The following ZNF385D variants were observed in gnomAD, a reference collection of about 807,000 sequenced individuals.
The protein encoded by ZNF385D is zinc finger protein 659.
A neutral mutation model predicts 35.8 loss-of-function variants in ZNF385D; 15 were observed. That is an observed-to-expected ratio of 0.42 (90% confidence interval 0.28 to 0.64). The LOEUF is 0.64. Among genes scored for constraint, ZNF385D ranks in the 30% least tolerant of loss-of-function variants. ZNF385D has a pLI of 0.23. For synonymous variants in ZNF385D, 212 were observed against 186.8 expected, an observed-to-expected ratio of 1.13 and a Z score of -1.10; for missense variants, 474 against 494.6, an observed-to-expected ratio of 0.96 and a Z score of 0.39.
intron 3 of ZNF385D, among the ~76,000 whole-genome samples, chr3:21,875,974 TA>T (rs1697943757): frequency 6.6e-6 from 1 of 152,158 alleles, no homozygotes; most frequent in African/African-American, 2.4e-5. Flanking sequence ...TGTGGAGATT[TA>T]AAAACATCAG....
At chr3:21,931,555 G>T (rs552754177) in intron 3 of ZNF385D, among the ~76,000 whole-genome samples, 2 of 152,128 alleles carry the variant, frequency 1.3e-5, no homozygotes, top group Non-Finnish European at 2.9e-5. Flanking sequence ...GTACAAGACG[G>T]CATATTCGTA....
intron 1 of ZNF385D, among the ~76,000 whole-genome samples, chr3:21,700,406 CT>C (rs1170901652): frequency 6.6e-6 from 1 of 152,208 alleles, no homozygotes; most frequent in Non-Finnish European, 1.5e-5. Flanking sequence ...TTTAGCTCTA[CT>C]GATTATTCAG....
At chr3:21,548,046 G>A (rs1172337090) in intron 3 of ZNF385D, among the ~76,000 whole-genome samples, 3 of 152,090 alleles carry the variant, frequency 2.0e-5, no homozygotes, top group African/African-American at 7.2e-5. Flanking sequence ...TCCTCTTCCC[G>A]TGTGAAACCT....
intron 3 of ZNF385D, among the ~76,000 whole-genome samples, chr3:22,128,825 C>A (rs1007218273): frequency 4.6e-5 from 7 of 152,120 alleles, no homozygotes; most frequent in Non-Finnish European, 1.0e-4. Flanking sequence ...TATCACTGAG[C>A]TTCCTCAAAA....
intron 3 of ZNF385D, among the ~76,000 whole-genome samples, chr3:21,911,971 T>A (rs1178568643): frequency 6.6e-6 from 1 of 151,936 alleles, no homozygotes; most frequent in South Asian, 2.1e-4. Flanking sequence ...ACCTTAAAAA[T>A]GAAATTAATG....
chr3:22,218,609 A>T (rs888218802), intron 2 of ZNF385D, among the ~76,000 whole-genome samples: 2 of 152,060 alleles, frequency 1.3e-5, no homozygotes, highest in African/African-American at 4.8e-5. Flanking sequence ...CACAACATTG[A>T]ACAGAATATT....
intron 3 of ZNF385D, among the ~76,000 whole-genome samples, chr3:21,819,340 A>C (rs2073292365): frequency 6.6e-6 from 1 of 151,780 alleles, no homozygotes; most frequent in South Asian, 2.1e-4. Context: ...ACTGGAAAAT[A>C]GAATAGTTAT....
intron 3 of ZNF385D, among the ~76,000 whole-genome samples, chr3:22,119,423 C>G (rs1038053702): frequency 2.0e-5 from 3 of 152,022 alleles, no homozygotes; most frequent in Non-Finnish European, 4.4e-5. Flanking sequence ...TATATTTAGA[C>G]ATAATTTGTT....
chr3:21,726,502 G>C (rs2068772115), intron 1 of ZNF385D, among the ~76,000 whole-genome samples: 1 of 152,126 alleles, frequency 6.6e-6, no homozygotes, highest in South Asian at 2.1e-4. Context: ...AAATCAATGT[G>C]CAAAAATCAC....
At chr3:22,338,254 TTGATTAAACC>T (rs1695260419) in intron 2 of ZNF385D, among the ~76,000 whole-genome samples, 3 of 152,218 alleles carry the variant, frequency 2.0e-5, no homozygotes, top group African/African-American at 7.2e-5. Flanking sequence ...AGTATAAAAC[TTGATTAAACC>T]AAGTAATATG....
At chr3:21,812,785 C>T (rs1377558468) in intron 3 of ZNF385D, among the ~76,000 whole-genome samples, 1 of 152,214 alleles carries the variant, frequency 6.6e-6, no homozygotes, top group African/African-American at 2.4e-5. Flanking sequence ...AATAGCTGAA[C>T]AAAAGGCGTC....
intron 2 of ZNF385D, among the ~76,000 whole-genome samples, chr3:22,342,311 A>C (rs1695463677): frequency 6.6e-6 from 1 of 150,646 alleles, no homozygotes; most frequent in East Asian, 1.9e-4. Flanking sequence ...AGACTGAATG[A>C]ATTACTATCA....
intron 2 of ZNF385D, among the ~76,000 whole-genome samples, chr3:21,643,141 A>G (rs1179793816): frequency 2.6e-5 from 4 of 152,162 alleles, no homozygotes; most frequent in Admixed American, 1.3e-4. Context: ...TAAAAAGCCA[A>G]TGTTTTGAAT....
At chr3:22,258,530 G>C (rs371533483) in intron 2 of ZNF385D, among the ~76,000 whole-genome samples, 1 of 151,516 alleles carries the variant, frequency 6.6e-6, no homozygotes, top group African/African-American at 2.4e-5. Context: ...CTAAAAAAAG[G>C]CCTCTCTGGG....
At chr3:22,272,532 A>C (rs901184708) in intron 2 of ZNF385D, among the ~76,000 whole-genome samples, 2 of 152,014 alleles carry the variant, frequency 1.3e-5, no homozygotes, top group African/African-American at 2.4e-5. Flanking sequence ...AGGGAGCAGA[A>C]ACCTCTGCTT....
chr3:21,574,025 A>G (rs2063414960), intron 2 of ZNF385D, among the ~76,000 whole-genome samples: 1 of 143,356 alleles, frequency 7.0e-6, no homozygotes, highest in South Asian at 2.2e-4. Flanking sequence ...ACGCCACTGC[A>G]CTCTAGCCTG....
intron 2 of ZNF385D, among the ~76,000 whole-genome samples, chr3:22,176,521 G>A (rs531565238): frequency 6.6e-6 from 1 of 152,228 alleles, no homozygotes; most frequent in South Asian, 2.1e-4. Flanking sequence ...TCACATCACA[G>A]CATCACATTA....
intron 2 of ZNF385D, among the ~76,000 whole-genome samples, chr3:22,211,115 G>A (rs1345704587): frequency 1.3e-5 from 2 of 151,856 alleles, no homozygotes; most frequent in Admixed American, 6.6e-5. Context: ...GATTTAAGTA[G>A]AAGGAGTGTG....
At chr3:21,799,635 C>T (rs1023323617) in intron 3 of ZNF385D, among the ~76,000 whole-genome samples, 9 of 152,014 alleles carry the variant, frequency 5.9e-5, no homozygotes, top group East Asian at 1.9e-4. Flanking sequence ...CTTTTGTCAT[C>T]GAGTTCTAAG....
Sources: gnomAD v4.1 joint callset for allele counts (sites outside exome capture counted in the v4.1 genomes callset) on GRCh38, gnomAD v4.1.1 for gene constraint, MANE v1.5 for transcripts, NCBI Gene and HGNC (gene_info 2026-07-23, HGNC 2026-07-21) for gene names.